The following UBR2 variants were observed in gnomAD, a reference collection of about 807,000 sequenced individuals.
The protein encoded by UBR2 is ubiquitin protein ligase E3 component n-recognin 2.
Under a neutral mutation model 247.9 loss-of-function variants are expected in UBR2, and 92 were observed. The ratio of observed to expected loss-of-function variants is 0.37; its 90% CI spans 0.31 to 0.44. The LOEUF (loss-of-function observed/expected upper bound fraction) is 0.44, where lower values mean the gene tolerates loss of function less well. UBR2 is among the 20% of genes least tolerant of loss of function. The pLI is 1.00. For missense variants in UBR2, 1,613 were observed against 2,112.6 expected, an observed-to-expected ratio of 0.76 and a Z score of 4.64; for synonymous variants, 672 against 693.5, an observed-to-expected ratio of 0.97 and a Z score of 0.49.
chr6:42,666,619 C>CA (rs774982187), intron 34 of UBR2, among the ~76,000 whole-genome samples: 15 of 152,146 alleles, frequency 9.9e-5, no homozygotes, highest in Non-Finnish European at 1.5e-4. Flanking sequence ...TGACCCCTGC[C>CA]ACACCCCTTT....
chr6:42,635,057 A>C (rs1241472590), intron 13 of UBR2, among the ~76,000 whole-genome samples: 2 of 152,332 alleles, frequency 1.3e-5, no homozygotes, highest in African/African-American at 4.8e-5. Flanking sequence ...TTATAAATTC[A>C]ATAACATTTT....
intron 35 of UBR2, 30 bp downstream of exon 35, chr6:42,670,270 G>T (rs186859741): frequency 6.2e-7 from 1 of 1,602,818 alleles, no homozygotes; most frequent in Non-Finnish European, 8.5e-7. Context: ...TTCTCTATAA[G>T]TCACAAGCAT....
chr6:42,606,651 G>A lies in UBR2; in HGVS notation c.864G>A (p.Val288=). The A allele has an allele frequency of 6.2e-7, 1 of 1,600,008 alleles. No individual in the cohort carries two copies. Residue 288 remains valine, a splice_region_variant and synonymous_variant, in exon 7 of 47, where the codon GTG becomes GTA. Transcript: ENST00000372901. ...QYCEQAKSVI[V]RNTSRQTKPL... ...GTGAGCAAGCAAAATCAGTAATTGT[G>A]GTAAGTAATTTAAAAACATGCTTAT...
At chr6:42,684,361 G>T (rs1482588841) in intron 43 of UBR2, among the ~76,000 whole-genome samples, 1 of 151,908 alleles carries the variant, frequency 6.6e-6, no homozygotes, top group Admixed American at 6.6e-5. Context: ...CAGATCACGA[G>T]GTCAGGAGAT....
intron 13 of UBR2, among the ~76,000 whole-genome samples, chr6:42,634,580 G>A (rs557106050): frequency 7.2e-5 from 11 of 152,216 alleles, no homozygotes; most frequent in African/African-American, 1.2e-4. Flanking sequence ...TCAGCCTCCC[G>A]AGTAGCTGGG....
chr6:42,581,570 TCTCCC>T (rs1258546576), intron 2 of UBR2, among the ~76,000 whole-genome samples: 2 of 152,278 alleles, frequency 1.3e-5, no homozygotes, highest in East Asian at 3.9e-4. Flanking sequence ...CAAGTGATGC[TCTCCC>T]CTAAGCCTAC....
intron 31 of UBR2, among the ~76,000 whole-genome samples, chr6:42,662,667 G>T (rs1582679478): frequency 6.6e-6 from 1 of 152,214 alleles, no homozygotes; most frequent in South Asian, 2.1e-4. Context: ...AAATTGTAAT[G>T]GCTCCCTGTG....
At chr6:42,614,428 A>ACG (rs1562312301) in intron 8 of UBR2, among the ~76,000 whole-genome samples, 128 of 143,682 alleles carry the variant, frequency 8.9e-4, no homozygotes, top group Non-Finnish European at 1.3e-3. Flanking sequence ...ACGTACATAT[A>ACG]TATGTATGTA....
At chr6:42,668,124 C>T (rs981112906) in intron 34 of UBR2, among the ~76,000 whole-genome samples, 1 of 152,212 alleles carries the variant, frequency 6.6e-6, no homozygotes, top group Middle Eastern at 3.4e-3. Context: ...CCCTCCTTCC[C>T]CTACACAGCC....
chr6:42,648,577 A>C (rs1316308821), intron 22 of UBR2, among the ~76,000 whole-genome samples: 1 of 152,198 alleles, frequency 6.6e-6, no homozygotes, highest in Admixed American at 6.5e-5. Context: ...CCCAGTCAAT[A>C]AACTGGTTTA....
At chr6:42,614,404 G>A (rs1452412915) in intron 8 of UBR2, among the ~76,000 whole-genome samples, 10 of 114,690 alleles carry the variant, frequency 8.7e-5, no homozygotes, top group African/African-American at 3.5e-4. Flanking sequence ...ACATACATAC[G>A]TATGTATGTA....
Position 42,622,405 on chromosome 6 carries a change from G to GTTTTTTTTTTTTTTTTTT in UBR2, c.1281+4912_1281+4913insTTTTTTTTTTTTTTTTTT, listed in dbSNP as rs112798050. On this transcript the variant is annotated intron_variant, in intron 11 of 46. Transcript: ENST00000372901. ...ACATTGTTTTTGGGTTTTTTGGTGGGTTTTTTTTTTTTTTGAGACAGAACC... is the reference window on the plus strand; with the variant it reads ...ACATTGTTTTTGGGTTTTTTGGTGGGTTTTTTTTTTTTTTTTTTTTTTTTTTTTTTTTGAGACAGAACC... Among the ~76,000 whole-genome samples the GTTTTTTTTTTTTTTTTTT allele has an allele frequency of 1.7e-4, 24 of 138,774 alleles. 1 individual carries two copies. Among genetic ancestry groups the GTTTTTTTTTTTTTTTTTT allele is most frequent in the African/African-American group, 6.2e-4 (23 of 36,858 alleles). The allele number at this position is 138,774 out of a possible 152,430, so 91.0% of individuals were successfully genotyped here.
intron 17 of UBR2, 24 bp from the exon 18 acceptor site, chr6:42,642,392 C>G: frequency 6.6e-7 from 1 of 1,519,514 alleles, no homozygotes. Flanking sequence ...ACTATTTACT[C>G]AATATAATTA....
At chr6:42,566,323 A>G (rs1425741256) in intron 1 of UBR2, among the ~76,000 whole-genome samples, 2 of 148,146 alleles carry the variant, frequency 1.4e-5, no homozygotes, top group African/African-American at 5.3e-5. Flanking sequence ...ACAAAAAATT[A>G]TTAATTTGGA....
At chr6:42,621,213 G>A (rs150223293) in intron 11 of UBR2, among the ~76,000 whole-genome samples, 13 of 152,276 alleles carry the variant, frequency 8.5e-5, no homozygotes, top group African/African-American at 1.2e-4. Flanking sequence ...TATCTAAGAA[G>A]TAAGGTCTTG....
At chr6:42,651,410 C>A (rs552468433) in intron 23 of UBR2, among the ~76,000 whole-genome samples, 5 of 151,340 alleles carry the variant, frequency 3.3e-5, no homozygotes, top group Non-Finnish European at 7.4e-5. Flanking sequence ...ATAGAGAACT[C>A]GTTTGGAGAT....
At chr6:42,628,151 G>T (rs78905441) in intron 11 of UBR2, among the ~76,000 whole-genome samples, 9,241 of 152,050 alleles carry the variant, frequency 0.061, 409 homozygotes, top group Admixed American at 0.13. Context: ...CCTTGTCTCA[G>T]CAGCTCTCTA....
At chr6:42,571,706 G>A (rs939830930) in intron 1 of UBR2, among the ~76,000 whole-genome samples, 6 of 140,126 alleles carry the variant, frequency 4.3e-5, no homozygotes, top group Non-Finnish European at 7.5e-5. Flanking sequence ...TCGTACCACT[G>A]CACTCCAGCC....
At chr6:42,611,026 A>G (rs2151934085) in intron 7 of UBR2, among the ~76,000 whole-genome samples, 1 of 151,004 alleles carries the variant, frequency 6.6e-6, no homozygotes, top group Non-Finnish European at 1.5e-5. Context: ...TTGTATTTTT[A>G]GTAGAGACGG....
Sources: allele counts gnomAD v4.1 joint callset (sites outside exome capture counted in the v4.1 genomes callset), GRCh38; gene constraint gnomAD v4.1.1; transcripts MANE v1.5; gene names NCBI Gene and HGNC (gene_info 2026-07-23, HGNC 2026-07-21).